The following FHIT variants were observed in gnomAD, a reference collection of about 807,000 sequenced individuals.
FHIT encodes the protein bis(5'-adenosyl)-triphosphatase.
In FHIT, 19 loss-of-function variants were observed where a neutral mutation model predicts 17.9. That is an observed-to-expected ratio of 1.06 (90% confidence interval 0.74 to 1.56). The LOEUF (loss-of-function observed/expected upper bound fraction) is 1.56. Ranked by LOEUF, FHIT falls within the 40% of genes most tolerant of loss-of-function variation. The pLI is 0.00. For missense variants in FHIT, 248 were observed against 189.2 expected (o/e 1.31, Z -1.82); for synonymous variants, 81 against 69.7 (o/e 1.16, Z -0.81).
At chr3:61,236,957 A>G (rs560977964) in intron 1 of FHIT, among the ~76,000 whole-genome samples, 6 of 152,306 alleles carry the variant, frequency 3.9e-5, no homozygotes, top group Admixed American at 1.3e-4. Context: ...CCCATTTCCA[A>G]TGGAATCCCC....
At chr3:60,710,120 T>C (rs560461223) in intron 4 of FHIT, among the ~76,000 whole-genome samples, 1 of 149,786 alleles carries the variant, frequency 6.7e-6, no homozygotes, top group African/African-American at 2.4e-5. Flanking sequence ...TGCAATTAAA[T>C]TAATAATTTT....
chr3:61,246,213 C>A (rs542433007), intron 1 of FHIT, among the ~76,000 whole-genome samples: 45 of 152,208 alleles, frequency 3.0e-4, no homozygotes, highest in Non-Finnish European at 4.6e-4. Context: ...AATGAGAAAC[C>A]AGCCACCCTC....
chr3:60,601,595 C>T (rs536697757), intron 4 of FHIT, among the ~76,000 whole-genome samples: 17 of 152,096 alleles, frequency 1.1e-4, no homozygotes, highest in Non-Finnish European at 1.5e-4. Flanking sequence ...AAACACCCAT[C>T]TTAATAGTGA....
rs1410944383 is a variant in FHIT, at chr3:61,037,342, A to C, written c.-111+4705T>G. 4.6e-5 allele frequency among the ~76,000 whole-genome samples: 7 copies of C among 151,910 alleles called. No homozygotes were observed. The East Asian group carries it at 1.4e-3, about 29-fold the overall frequency. ...CACCCAGGGAGTGTCGCTTAACCTTATTTTCTCTCCGTTTCCTCAACTGTA... is the reference window on the plus strand; with the variant it reads ...CACCCAGGGAGTGTCGCTTAACCTTCTTTTCTCTCCGTTTCCTCAACTGTA... On this transcript the variant is annotated intron_variant, in intron 3 of 9. Transcript: ENST00000492590.
At chr3:60,513,906 G>A (rs1156412444) in intron 5 of FHIT, among the ~76,000 whole-genome samples, 2 of 152,176 alleles carry the variant, frequency 1.3e-5, no homozygotes, top group Non-Finnish European at 2.9e-5. Flanking sequence ...CAGCAGAGCG[G>A]CAGAGCAGAG....
chr3:59,970,564 G>A (rs2107381961), intron 7 of FHIT, among the ~76,000 whole-genome samples: 1 of 152,236 alleles, frequency 6.6e-6, no homozygotes, highest in African/African-American at 2.4e-5. Flanking sequence ...AAGAAAGCAA[G>A]CGGAGGGAAC....
chr3:61,147,280 T>G (rs913707628), intron 2 of FHIT, among the ~76,000 whole-genome samples: 1 of 152,122 alleles, frequency 6.6e-6, no homozygotes, highest in African/African-American at 2.4e-5. Flanking sequence ...TTAGCAGTTA[T>G]ATTACCTAGG....
At chr3:60,419,661 C>T (rs1378518224) in intron 5 of FHIT, among the ~76,000 whole-genome samples, 2 of 152,072 alleles carry the variant, frequency 1.3e-5, no homozygotes, top group Non-Finnish European at 2.9e-5. Flanking sequence ...ATTCTTTTTG[C>T]TAAGAGTTCC....
intron 2 of FHIT, among the ~76,000 whole-genome samples, chr3:61,063,662 T>C (rs940777721): frequency 6.6e-6 from 1 of 152,060 alleles, no homozygotes; most frequent in African/African-American, 2.4e-5. Flanking sequence ...GACGTTAACA[T>C]ACATGAGTAA....
intron 5 of FHIT, among the ~76,000 whole-genome samples, chr3:60,526,976 G>A (rs945616974): frequency 1.3e-5 from 2 of 152,152 alleles, no homozygotes; most frequent in East Asian, 1.9e-4. Flanking sequence ...CTCCCTTTGC[G>A]GTTTGGGGGC....
At chr3:59,792,570 CA>C (rs1699609235) in intron 8 of FHIT, among the ~76,000 whole-genome samples, 1 of 152,096 alleles carries the variant, frequency 6.6e-6, no homozygotes, top group South Asian at 2.1e-4. Flanking sequence ...CTAGTGTTTT[CA>C]TGTGTAAAAC....
intron 5 of FHIT, among the ~76,000 whole-genome samples, chr3:60,399,957 C>T (rs1701595885): frequency 1.3e-5 from 2 of 152,114 alleles, no homozygotes; most frequent in African/African-American, 4.8e-5. Context: ...TCCTCTTGCT[C>T]CCAGCCTCCA....
intron 4 of FHIT, among the ~76,000 whole-genome samples, chr3:60,609,087 C>G (rs1553672381): frequency 6.6e-6 from 1 of 151,710 alleles, no homozygotes; most frequent in East Asian, 1.9e-4. Flanking sequence ...TGTTCCTACT[C>G]TGAATGGACA....
chr3:60,324,751 C>T (rs1440319004), intron 5 of FHIT, among the ~76,000 whole-genome samples: 2 of 151,996 alleles, frequency 1.3e-5, no homozygotes. Context: ...TTGTTTTACT[C>T]TTTAGCTCTT....
chr3:60,662,048 GT>G (rs2040259970), intron 4 of FHIT, among the ~76,000 whole-genome samples: 1 of 152,100 alleles, frequency 6.6e-6, no homozygotes, highest in Non-Finnish European at 1.5e-5. Flanking sequence ...AAGCTTTTTA[GT>G]TTAATTAAGT....
rs1162852458 is a variant in FHIT, at chr3:61,235,888, C to A, written c.-213+15413G>T. 3.3e-5 allele frequency among the ~76,000 whole-genome samples: 5 copies of A among 152,140 alleles called. No homozygotes were observed. The South Asian group carries it at 1.0e-3, about 32-fold the overall frequency. On this transcript the variant is annotated intron_variant, in intron 1 of 9. Coordinates refer to ENST00000492590, the MANE Select transcript of FHIT (RefSeq NM_002012.4). ...ACTACCCCATTCACCTTGTCCTGTC[C>A]AGTACTTTCACTAAAAGCAAGGTAT...
In FHIT at chr3:60,861,370, T is replaced by A. The variant is rs533291718; in HGVS notation, c.-110-39359A>T. ...GGTTTCTCAGCCTGGGCACTACTGATATTTTGGACTACAGAATTCTTTGTT... is the reference window on the plus strand; with the variant it reads ...GGTTTCTCAGCCTGGGCACTACTGAAATTTTGGACTACAGAATTCTTTGTT... On this transcript the variant is annotated intron_variant, in intron 3 of 9. Transcript: ENST00000492590. 8.1e-5 allele frequency among the ~76,000 whole-genome samples: 12 copies of A among 148,620 alleles called. 1 individual carries two copies. The South Asian group carries it at 2.3e-3, about 29-fold the overall frequency.
Position 60,799,781 on chromosome 3 carries a change from C to A in FHIT, c.-18+22138G>T, listed in dbSNP as rs904360339. ...ATATATGATTCTTGCTATATTCTGT[C>A]ACTGCATCCTGTTCAATTTCCTTCA... On this transcript the variant is annotated intron_variant, in intron 4 of 9. Coordinates refer to ENST00000492590, the MANE Select transcript of FHIT (RefSeq NM_002012.4). Among the ~76,000 whole-genome samples the A allele has an allele frequency of 2.0e-5, 3 of 152,126 alleles. No individual in the cohort carries two copies. The South Asian group carries it at 6.2e-4, about 32-fold the overall frequency.
At chr3:60,715,150 T>C (rs1553706386) in intron 4 of FHIT, among the ~76,000 whole-genome samples, 1 of 152,064 alleles carries the variant, frequency 6.6e-6, no homozygotes, top group African/African-American at 2.4e-5. Flanking sequence ...AACTATCTGA[T>C]CTTTGACAAA....
Sources: allele counts gnomAD v4.1 joint callset (sites outside exome capture counted in the v4.1 genomes callset), GRCh38; gene constraint gnomAD v4.1.1; transcripts MANE v1.5; gene names NCBI Gene and HGNC (gene_info 2026-07-23, HGNC 2026-07-21).